The following MIB1 variants were observed in gnomAD, a reference collection of about 807,000 sequenced individuals.
MIB1 encodes the protein E3 ubiquitin-protein ligase MIB1.
A neutral mutation model predicts 124.5 loss-of-function variants in MIB1; 278 were observed. The ratio of observed to expected loss-of-function variants is 2.23; its 90% CI spans 2.02 to 2.47. The LOEUF (loss-of-function observed/expected upper bound fraction) is 2.47, where lower values mean the gene tolerates loss of function less well. MIB1 is among the 30% of genes most tolerant of loss of function. The pLI is 0.00. For synonymous variants in MIB1, 446 were observed against 429.4 expected (o/e 1.04, Z -0.48); for missense variants, 957 against 1,254.4 (o/e 0.76, Z 3.58).
At chr18:21,853,291 G>A (rs375929593) in intron 18 of MIB1, 73 bp downstream of exon 18, 49 of 1,182,728 alleles carry the variant, frequency 4.1e-5, no homozygotes, top group East Asian at 4.1e-4. Context: ...TGTTTTTGAG[G>A]GTTTTTTTGC....
rs150534168 is a variant in MIB1, at chr18:21,804,330, A to G, written c.1479+316A>G. On this transcript the variant is annotated intron_variant, in intron 10 of 20. Coordinates refer to ENST00000261537, the MANE Select transcript of MIB1 (RefSeq NM_020774.4). ...CTAGGGAAATTGAAGGACGAGGAAT[A>G]TAAATCCACTGGGTCAGAATCTTTC... 0.011 allele frequency among the ~76,000 whole-genome samples: 1,645 copies of G among 152,368 alleles called. 15 individuals are homozygous for G. The highest frequency in any genetic ancestry group is 0.016 in the Non-Finnish European group (1,103 of 68,036).
chr18:21,834,528 T>A (rs1351469225), intron 12 of MIB1, among the ~76,000 whole-genome samples: 1 of 152,172 alleles, frequency 6.6e-6, no homozygotes, highest in African/African-American at 2.4e-5. Flanking sequence ...ATGATCAAGG[T>A]TAACTTCTAG....
intron 12 of MIB1, among the ~76,000 whole-genome samples, chr18:21,822,224 A>G (rs2146481918): frequency 6.6e-6 from 1 of 152,366 alleles, no homozygotes; most frequent in African/African-American, 2.4e-5. Flanking sequence ...AGGGAATATG[A>G]AATCATAAAG....
At chr18:21,759,848 G>T (rs994782080) in intron 1 of MIB1, among the ~76,000 whole-genome samples, 3 of 152,094 alleles carry the variant, frequency 2.0e-5, no homozygotes, top group Non-Finnish European at 4.4e-5. Flanking sequence ...TCAGTGCTTT[G>T]TGAGTTTGAG....
intron 1 of MIB1, among the ~76,000 whole-genome samples, chr18:21,747,581 A>G (rs993988079): frequency 9.9e-5 from 15 of 152,160 alleles, no homozygotes; most frequent in African/African-American, 3.6e-4. Context: ...TTGGTAATAC[A>G]TGTCTTTAAA....
At position 21,768,624 on chromosome 18, in the gene MIB1, G is replaced by A. The variant is rs1360033675; in HGVS notation, c.403G>A (p.Val135Ile). The change falls in exon 3 of 21, where the codon GTT (valine) becomes ATT (isoleucine). Residue 135 changes from valine (V) to isoleucine (I), a missense_variant and splice_region_variant. Transcript: ENST00000261537. ...GAAAATAAATAATTTTATTTTTAGG[G>A]TTCTGTTAGAGTCTCGTAGGAAATC... Reference protein sequence around the residue: ...YRITTPGSERVLLESRRKSKK... With the variant: ...YRITTPGSERILLESRRKSKK... 6.5e-7 allele frequency: 1 copy of A among 1,540,946 alleles called. No individual in the cohort carries two copies. The highest frequency in any genetic ancestry group is 8.8e-7 in the Non-Finnish European group (1 of 1,139,520).
At chr18:21,713,151 TAG>T (rs532446654) in intron 1 of MIB1, among the ~76,000 whole-genome samples, 2 of 152,170 alleles carry the variant, frequency 1.3e-5, no homozygotes, top group Admixed American at 1.3e-4. Flanking sequence ...TTTGTTTTCA[TAG>T]AGACAGGGTC....
At position 21,773,608 on chromosome 18, in the gene MIB1, A is replaced by G. The variant is rs767427900; in HGVS notation, c.532-16A>G. On this transcript the variant is annotated splice_polypyrimidine_tract_variant and intron_variant, in intron 3 of 20. Transcript: ENST00000261537. ...CCCCTTTAAAAAACTTCTTTTCTCA[A>G]AAACTATTCTGTTAGGTAACAGAAA... The G allele has an allele frequency of 1.3e-6, 2 of 1,585,658 alleles. No homozygotes were observed. Among genetic ancestry groups the G allele is most frequent in the Non-Finnish European group, 1.7e-6 (2 of 1,163,802 alleles).
chr18:21,860,529 T>C (rs1252462530), intron 20 of MIB1, among the ~76,000 whole-genome samples: 2 of 152,194 alleles, frequency 1.3e-5, no homozygotes, highest in Non-Finnish European at 2.9e-5. Flanking sequence ...AGATAGCAAG[T>C]ATTTTTTCTT....
intron 12 of MIB1, among the ~76,000 whole-genome samples, chr18:21,822,459 A>G (rs375812147): frequency 7.2e-5 from 11 of 152,176 alleles, no homozygotes; most frequent in African/African-American, 2.4e-4. Context: ...GTGTCAGGTG[A>G]CATTTAAAAA....
At chr18:21,811,926 A>T (rs1438279084) in intron 10 of MIB1, among the ~76,000 whole-genome samples, 1 of 152,188 alleles carries the variant, frequency 6.6e-6, no homozygotes, top group Non-Finnish European at 1.5e-5. Context: ...CATGATGGTT[A>T]TTTAAGGATT....
intron 1 of MIB1, among the ~76,000 whole-genome samples, chr18:21,709,052 C>G (rs1213559136): frequency 1.3e-5 from 2 of 152,138 alleles, no homozygotes; most frequent in African/African-American, 4.8e-5. Flanking sequence ...CGCGGTGGCT[C>G]ACGCCTGTAA....
intron 18 of MIB1, chr18:21,854,549 A>G (rs1037129301): frequency 2.5e-4 from 39 of 158,372 alleles, no homozygotes; most frequent in African/African-American, 8.5e-4. Flanking sequence ...CCTTAATATA[A>G]TATTTCCCCC....
rs570022936 is a variant in MIB1, at chr18:21,755,488, C to T, written c.230-10284C>T. On this transcript the variant is annotated intron_variant, in intron 1 of 20. Coordinates refer to ENST00000261537, the MANE Select transcript of MIB1 (RefSeq NM_020774.4). ...CTAGGATTACAGGCGCGTACCACCA[C>T]GCCCAGCTAATTTTTACATGATTTC... Among the ~76,000 whole-genome samples the T allele has an allele frequency of 3.3e-5, 5 of 152,092 alleles. 1 individual carries two copies. The South Asian group carries it at 6.2e-4, about 19-fold the overall frequency.
intron 1 of MIB1, among the ~76,000 whole-genome samples, chr18:21,723,453 C>T (rs576691111): frequency 2.6e-5 from 4 of 152,220 alleles, no homozygotes; most frequent in African/African-American, 9.6e-5. Context: ...GCTTTTAGGG[C>T]CTCTCAGTCA....
chr18:21,780,222 A>G (rs1037634195), intron 6 of MIB1, among the ~76,000 whole-genome samples: 2 of 152,192 alleles, frequency 1.3e-5, no homozygotes, highest in African/African-American at 4.8e-5. Context: ...CAGTATTAAC[A>G]TCACCCCTTC....
intron 6 of MIB1, among the ~76,000 whole-genome samples, chr18:21,780,532 C>T (rs375537103): frequency 1.3e-5 from 2 of 152,158 alleles, no homozygotes; most frequent in African/African-American, 4.8e-5. Context: ...TAATGACCTC[C>T]AGTTCCATTC....
chr18:21,733,901 C>T (rs2040783362), intron 1 of MIB1, among the ~76,000 whole-genome samples: 1 of 151,676 alleles, frequency 6.6e-6, no homozygotes, highest in African/African-American at 2.4e-5. Context: ...GACAGGGTTT[C>T]TCCATGTTGG....
chr18:21,858,503 C>A, intron 19 of MIB1, 43 bp from the exon 20 acceptor site: 2 of 854,236 alleles, frequency 2.3e-6, no homozygotes, highest in South Asian at 3.3e-5. Flanking sequence ...GTCATTCTGT[C>A]AAAGCAATAA....
Sources: gnomAD v4.1 joint callset for allele counts (sites outside exome capture counted in the v4.1 genomes callset) on GRCh38, gnomAD v4.1.1 for gene constraint, MANE v1.5 for transcripts, NCBI Gene and HGNC (gene_info 2026-07-23, HGNC 2026-07-21) for gene names.